The following NPRL2 variants were observed in gnomAD, a reference collection of about 807,000 sequenced individuals.
NPRL2 encodes the protein GATOR1 complex protein NPRL2.
A neutral mutation model predicts 51.1 loss-of-function variants in NPRL2; 21 were observed. The observed-to-expected ratio is 0.41, with a 90% CI of 0.29 to 0.59. NPRL2 has a LOEUF of 0.59. NPRL2 is among the 20% of genes least tolerant of loss of function. The probability of loss-of-function intolerance (pLI) is 0.29; values close to 1 mark genes in which losing one functional copy is unlikely to be tolerated. For synonymous variants in NPRL2, 175 were observed against 187.8 expected (o/e 0.93, Z 0.56); for missense variants, 376 against 483.4 (o/e 0.78, Z 2.08).
In NPRL2 at chr3:50,349,128, T is replaced by A; in HGVS notation, c.449-118A>T. 1 of 1,260,626 alleles carries A rather than the reference T, an allele frequency of 7.9e-7. No individual in the cohort carries two copies. The allele number at this position is 1,260,626 out of a possible 1,614,324, so 78.1% of individuals were successfully genotyped here. ...GGTGCCTCTGGGTAGGGCTAATCTT[T>A]CTCTTTTTATGGAGTGAGAAACGGA... On this transcript the variant is annotated intron_variant, in intron 4 of 10. Coordinates refer to ENST00000232501, the MANE Select transcript of NPRL2 (RefSeq NM_006545.5). This position sits in a 1 kb window ranked among gnomAD's most constrained non-coding sequence, Gnocchi z 4.6.
chr3:50,349,728 CT>C lies in NPRL2; in HGVS notation c.275del (p.Gln92ArgfsTer18). On this transcript the variant is annotated frameshift_variant, in exon 3 of 11. Transcript: ENST00000232501. LOFTEE classifies it high-confidence loss of function. This position sits in a 1 kb window ranked among gnomAD's most constrained non-coding sequence, Gnocchi z 4.6. The stretch of plus-strand genomic sequence containing the variant: ...TGGGCTCGAGGGCGCAGGTCTTGGC[CT>C]GGGCATCACACACGAAGCCCAGGTT... ...LFNLGFVCDA[Q>X]AKTCALEPIV... is the part of the protein sequence containing the mutation. 1 of 1,613,946 alleles carries C rather than the reference CT, an allele frequency of 6.2e-7. No homozygotes were observed. Among genetic ancestry groups the C allele is most frequent in the Non-Finnish European group, 8.5e-7 (1 of 1,180,002 alleles).
In NPRL2 at chr3:50,349,165, G is replaced by T; in HGVS notation, c.449-155C>A. ...GAGTGAGAAACGGAGGCCCACAAAG[G>T]GGAAGGAATTGCCCAAGGGGCAGAG... On this transcript the variant is annotated intron_variant, in intron 4 of 10. Coordinates refer to ENST00000232501, the MANE Select transcript of NPRL2 (RefSeq NM_006545.5). This position sits in a 1 kb window ranked among gnomAD's most constrained non-coding sequence, Gnocchi z 4.6. 9.9e-7 allele frequency: 1 copy of T among 1,007,826 alleles called. No individual in the cohort carries two copies. The highest frequency in any genetic ancestry group is 1.4e-6 in the Non-Finnish European group (1 of 699,998). 62.4% of individuals were successfully genotyped at this position (1,007,826 alleles called of 1,614,324 possible).
In NPRL2 at chr3:50,349,791, G is replaced by C. The variant is rs752423985; in HGVS notation, c.213C>G (p.Ile71Met). The C allele has an allele frequency of 3.1e-6, 5 of 1,613,848 alleles. No individual in the cohort carries two copies. The highest frequency in any genetic ancestry group is 4.2e-6 in the Non-Finnish European group (5 of 1,179,948). ...CATTGCGGCTGTACTTCTTGTGTTC[G>C]ATGCACACAGGACAGCCGATCAGCT... ...EKKLIGCPVC[I>M]EHKKYSRNAL... The change falls in exon 3 of 11, where the codon ATC becomes ATG. Residue 71 changes from isoleucine (I) to methionine (M), a missense_variant. Transcript: ENST00000232501. This position sits in a 1 kb window ranked among gnomAD's most constrained non-coding sequence, Gnocchi z 4.6.
Position 50,350,109 on chromosome 3 carries a change from C to T in NPRL2, c.79-87G>A, listed in dbSNP as rs929106176. 6 of 1,067,894 alleles carry T rather than the reference C, an allele frequency of 5.6e-6. No homozygotes were observed. Among genetic ancestry groups the T allele is most frequent in the Middle Eastern group, 3.0e-4 (1 of 3,384 alleles). The allele number at this position is 1,067,894 out of a possible 1,614,324, so 66.2% of individuals were successfully genotyped here. Reference sequence around the variant, plus strand: ...GTGACCTCCTCATGCCCCCCAAGCCCAAGTCCTCTTCTCCAGCGTTCCCCT... The same window carrying T: ...GTGACCTCCTCATGCCCCCCAAGCCTAAGTCCTCTTCTCCAGCGTTCCCCT... On this transcript the variant is annotated intron_variant, in intron 1 of 10. Coordinates refer to ENST00000232501, the MANE Select transcript of NPRL2 (RefSeq NM_006545.5). This position sits in a 1 kb window ranked among gnomAD's most constrained non-coding sequence, Gnocchi z 5.7.
rs587641228 is a variant in NPRL2 at position 50,349,142 on chromosome 3, G to T, written c.449-132C>A. 3.9e-5 allele frequency: 45 copies of T among 1,159,744 alleles called. No individual in the cohort carries two copies. Among genetic ancestry groups the T allele is most frequent in the Non-Finnish European group, 4.9e-5 (41 of 831,444 alleles). The allele number at this position is 1,159,744 out of a possible 1,614,324, so 71.8% of individuals were successfully genotyped here. ...GGGCTAATCTTTCTCTTTTTATGGA[G>T]TGAGAAACGGAGGCCCACAAAGGGG... On this transcript the variant is annotated intron_variant, in intron 4 of 10. Transcript: ENST00000232501. The surrounding 1 kb of genome is among the most constrained non-coding windows in gnomAD (Gnocchi z 4.6).
At position 50,347,441 on chromosome 3, in the gene NPRL2, C is replaced by A; in HGVS notation, c.*165G>T. 1 of 615,412 alleles carries A rather than the reference C, an allele frequency of 1.6e-6. No individual in the cohort carries two copies. Among genetic ancestry groups the A allele is most frequent in the Non-Finnish European group, 2.6e-6 (1 of 379,858 alleles). The allele number at this position is 615,412 out of a possible 1,614,324, so 38.1% of individuals were successfully genotyped here. A position where few individuals can be genotyped will look rare whatever the true frequency, so the allele number is the denominator to read the frequency against. Reference sequence around the variant, plus strand: ...GCCCACGGCTCGTGGCTATTTCATTCACTGCTGGGTCTCCCACGGCTGGCC... The same window carrying A: ...GCCCACGGCTCGTGGCTATTTCATTAACTGCTGGGTCTCCCACGGCTGGCC... On this transcript the variant is annotated 3_prime_UTR_variant, in exon 11 of 11. Coordinates refer to ENST00000232501, the MANE Select transcript of NPRL2 (RefSeq NM_006545.5).
rs764369246 is a variant in NPRL2 at position 50,349,356 on chromosome 3, C to T, written c.448+30G>A. On this transcript the variant is annotated intron_variant, in intron 4 of 10. Transcript: ENST00000232501. This position sits in a 1 kb window ranked among gnomAD's most constrained non-coding sequence, Gnocchi z 4.6. The stretch of plus-strand genomic sequence containing the variant: ...TCACTTTCCCATCTCTCCTCTACCC[C>T]TCTGCTGTCCTTGCAGAGGCTGGCC... The T allele has an allele frequency of 1.9e-6, 3 of 1,578,624 alleles. No homozygotes were observed. The highest frequency in any genetic ancestry group is 8.7e-7 in the Non-Finnish European group (1 of 1,148,672).
At position 50,348,535 on chromosome 3, in the gene NPRL2, T is replaced by C. The variant is rs1163685900; in HGVS notation, c.712A>G (p.Ile238Val). 2 of 1,614,100 alleles carry C rather than the reference T, an allele frequency of 1.2e-6. No individual in the cohort carries two copies. The highest frequency in any genetic ancestry group is 2.2e-5 in the South Asian group (2 of 91,090). ...AAACCCAACTCACCTACCTGGAGGA[T>C]GGACACCAGTGTCACAACGCCGTAG... ...LYYGVVTLVS[I>V]LQYSNVYCPT... Residue 238 changes from isoleucine (I) to valine (V), a missense_variant, in exon 7 of 11, where the codon ATC becomes GTC. Ile to Val is a conservative substitution (Grantham distance 29). Coordinates refer to ENST00000232501, the MANE Select transcript of NPRL2 (RefSeq NM_006545.5). The surrounding 1 kb of genome is among the most constrained non-coding windows in gnomAD (Gnocchi z 5.8).
Position 50,347,585 on chromosome 3 carries a change from T to A in NPRL2, c.*21A>T, listed in dbSNP as rs756262173. On this transcript the variant is annotated 3_prime_UTR_variant, in exon 11 of 11. Transcript: ENST00000232501. ...AGGAGGGACTACCCACAGCAATGTG[T>A]CCATCCAGTCACTACCAGCCTCACT... The A allele has an allele frequency of 3.1e-5, 50 of 1,613,836 alleles. No individual in the cohort carries two copies. Among genetic ancestry groups the A allele is most frequent in the Non-Finnish European group, 4.2e-5 (49 of 1,179,976 alleles).
Position 50,347,460 on chromosome 3 carries a change from G to T in NPRL2, c.*146C>A. ...TTCATTCACTGCTGGGTCTCCCACG[G>T]CTGGCCCAGAAACAGCACTCAATAA... On this transcript the variant is annotated 3_prime_UTR_variant, in exon 11 of 11. Transcript: ENST00000232501. 1 of 970,086 alleles carries T rather than the reference G, an allele frequency of 1.0e-6. No individual in the cohort carries two copies. The highest frequency in any genetic ancestry group is 1.5e-6 in the Non-Finnish European group (1 of 647,994). 60.1% of individuals were successfully genotyped at this position (970,086 alleles called of 1,614,324 possible).
Position 50,348,936 on chromosome 3 carries a change from G to C in NPRL2, c.523C>G (p.Pro175Ala). The change falls in exon 5 of 11, where the codon CCT becomes GCT. Residue 175 changes from proline to alanine, a missense_variant. Coordinates refer to ENST00000232501, the MANE Select transcript of NPRL2 (RefSeq NM_006545.5). The surrounding 1 kb of genome is among the most constrained non-coding windows in gnomAD (Gnocchi z 5.8). Reference protein sequence around the residue: ...DPPVAQEYDVPVFTKDKEDFF... With the variant: ...DPPVAQEYDVAVFTKDKEDFF... ...TCCTCCTTGTCTTTGGTAAAGACAG[G>C]TACATCATACTCCTGGGCCACCGGA... The C allele has an allele frequency of 1.2e-6, 2 of 1,614,048 alleles. No individual in the cohort carries two copies. The highest frequency in any genetic ancestry group is 1.7e-6 in the Non-Finnish European group (2 of 1,180,018).
chr3:50,349,630 C>A lies in NPRL2; in HGVS notation c.339+35G>T. ...CATGGGAACACCTTCCCCAACTCTGCCTGTCGGTAAACCCAAGCCCATCTC... is the reference window on the plus strand; with the variant it reads ...CATGGGAACACCTTCCCCAACTCTGACTGTCGGTAAACCCAAGCCCATCTC... On this transcript the variant is annotated intron_variant, in intron 3 of 10. Transcript: ENST00000232501. The surrounding 1 kb of genome is among the most constrained non-coding windows in gnomAD (Gnocchi z 4.6). The A allele has an allele frequency of 6.2e-7, 1 of 1,602,122 alleles. No individual in the cohort carries two copies.
chr3:50,348,083 C>G lies in NPRL2; in HGVS notation c.932+41G>C, dbSNP rs1422686681. On this transcript the variant is annotated intron_variant, in intron 9 of 10. Coordinates refer to ENST00000232501, the MANE Select transcript of NPRL2 (RefSeq NM_006545.5). The surrounding 1 kb of genome is among the most constrained non-coding windows in gnomAD (Gnocchi z 5.8). The stretch of plus-strand genomic sequence containing the variant: ...GAGAGACATAAAGGGTCTAGCTTCC[C>G]TCAGGTAACTCCCAAATGCCCCAGC... The G allele has an allele frequency of 6.2e-7, 1 of 1,608,080 alleles. No homozygotes were observed. Among genetic ancestry groups the G allele is most frequent in the Admixed American group, 1.7e-5 (1 of 60,010 alleles).
rs1022386642 is a variant in NPRL2 at position 50,349,388 on chromosome 3, A to G, written c.446T>C (p.Ile149Thr). 1.9e-6 allele frequency: 3 copies of G among 1,612,900 alleles called. No individual in the cohort carries two copies. The highest frequency in any genetic ancestry group is 2.7e-5 in the African/African-American group (2 of 74,862). Residue 149 changes from isoleucine to threonine, a missense_variant and splice_region_variant, in exon 4 of 11, where the codon ATT (isoleucine) becomes ACT (threonine). Coordinates refer to ENST00000232501, the MANE Select transcript of NPRL2 (RefSeq NM_006545.5). The surrounding 1 kb of genome is among the most constrained non-coding windows in gnomAD (Gnocchi z 4.6). ...LNASGRCTLP[I>T]DESNTIHLKV... ...GTCCTTGCAGAGGCTGGCCATACCA[A>G]TGGGCAGAGTGCACCGGCCTGAGGC...
In NPRL2 at chr3:50,349,088, C is replaced by A. The variant is rs1383035369; in HGVS notation, c.449-78G>T. 2.7e-5 allele frequency: 41 copies of A among 1,537,186 alleles called. No individual in the cohort carries two copies. In the Admixed American group the frequency reaches 7.5e-4, roughly 28 times the overall value. ...AATTACCATCCAGGCCTCCCAGCAT[C>A]CCTTGGGGCAAGCAGGTGCCTCTGG... On this transcript the variant is annotated intron_variant, in intron 4 of 10. Coordinates refer to ENST00000232501, the MANE Select transcript of NPRL2 (RefSeq NM_006545.5). The surrounding 1 kb of genome is among the most constrained non-coding windows in gnomAD (Gnocchi z 4.6).
chr3:50,347,590 C>G lies in NPRL2; in HGVS notation c.*16G>C, dbSNP rs1559855008. ...GGACTACCCACAGCAATGTGTCCAT[C>G]CAGTCACTACCAGCCTCACTTCCAG... On this transcript the variant is annotated 3_prime_UTR_variant, in exon 11 of 11. Coordinates refer to ENST00000232501, the MANE Select transcript of NPRL2 (RefSeq NM_006545.5). 5 of 1,614,010 alleles carry G rather than the reference C, an allele frequency of 3.1e-6. No individual in the cohort carries two copies. The highest frequency in any genetic ancestry group is 4.2e-6 in the Non-Finnish European group (5 of 1,179,994).
intron 10 of NPRL2, 25 bp from the exon 11 acceptor site, chr3:50,347,698 T>C: frequency 6.2e-7 from 1 of 1,613,746 alleles, no homozygotes; most frequent in Non-Finnish European, 8.5e-7. Flanking sequence ...GGAGGAGAGG[T>C]CAGTGGCCTT....
chr3:50,349,272 G>T lies in NPRL2; in HGVS notation c.448+114C>A. 3.0e-6 allele frequency: 3 copies of T among 998,938 alleles called. No individual in the cohort carries two copies. The highest frequency in any genetic ancestry group is 4.6e-6 in the Non-Finnish European group (3 of 656,570). The allele number at this position is 998,938 out of a possible 1,614,324, so 61.9% of individuals were successfully genotyped here. On this transcript the variant is annotated intron_variant, in intron 4 of 10. Coordinates refer to ENST00000232501, the MANE Select transcript of NPRL2 (RefSeq NM_006545.5). The surrounding 1 kb of genome is among the most constrained non-coding windows in gnomAD (Gnocchi z 4.6). ...CTGGACATGGGCACCTCAGCCCATG[G>T]CTATTTCCTGCCCACCAATGTGTTC...
chr3:50,348,513 C>G lies in NPRL2; in HGVS notation c.720+14G>C, dbSNP rs762877964. On this transcript the variant is annotated intron_variant, in intron 7 of 10. Coordinates refer to ENST00000232501, the MANE Select transcript of NPRL2 (RefSeq NM_006545.5). The surrounding 1 kb of genome is among the most constrained non-coding windows in gnomAD (Gnocchi z 5.8). ...ATGATCCACTCTCCACTTAACCAAACCCAACTCACCTACCTGGAGGATGGA... is the reference window on the plus strand; with the variant it reads ...ATGATCCACTCTCCACTTAACCAAAGCCAACTCACCTACCTGGAGGATGGA... 1.5e-5 allele frequency: 24 copies of G among 1,614,114 alleles called. No homozygotes were observed. The highest frequency in any genetic ancestry group is 1.9e-5 in the Non-Finnish European group (23 of 1,180,034).
Sources: gnomAD v4.1 joint callset for allele counts on GRCh38, gnomAD v4.1.1 for gene constraint, Gnocchi (gnomAD v3.1) non-coding constraint, MANE v1.5 for transcripts, NCBI Gene and HGNC (gene_info 2026-07-23, HGNC 2026-07-21) for gene names.